DDX10: variants seen among roughly 807,000 people sequenced by gnomAD.
DDX10 encodes DEAD-box helicase 10, also known as probable ATP-dependent RNA helicase DDX10.
Under a neutral mutation model 104.3 loss-of-function variants are expected in DDX10, and 74 were observed. The ratio of observed to expected loss-of-function variants is 0.71; its 90% CI spans 0.59 to 0.86. The LOEUF is 0.86. Among genes scored for constraint, DDX10 ranks in the 40% least tolerant of loss-of-function variants. DDX10 has a pLI of 0.00. For synonymous variants in DDX10, 351 were observed against 353.4 expected (o/e 0.99, Z 0.08); for missense variants, 952 against 1,040.0 (o/e 0.92, Z 1.16).
intron 13 of DDX10, among the ~76,000 whole-genome samples, chr11:108,824,309 G>A (rs978980407): frequency 1.3e-5 from 2 of 152,144 alleles, no homozygotes; most frequent in African/African-American, 4.8e-5. Flanking sequence ...TCGCAAAGTG[G>A]CATGAGCCAC....
chr11:108,722,950 TATC>T, intron 12 of DDX10, 44 bp from the exon 13 acceptor site: 1 of 1,534,634 alleles, frequency 6.5e-7, no homozygotes. Context: ...CCTATAAACA[TATC>T]ATCAGTGTTG....
intron 16 of DDX10, among the ~76,000 whole-genome samples, chr11:108,872,325 T>C (rs1308287075): frequency 1.3e-5 from 2 of 152,236 alleles, no homozygotes; most frequent in Non-Finnish European, 2.9e-5. Flanking sequence ...TGTTCTATCT[T>C]CCTGTCTATA....
Position 108,863,690 on chromosome 11 carries a change from C to T in DDX10, c.2304+11481C>T, listed in dbSNP as rs1221895890. On this transcript the variant is annotated intron_variant, in intron 16 of 17. Transcript: ENST00000322536. ...TTGATCCCAGCCTCCTGGCATCCATCCAACCCTAAGATTTTTGCCCCACTC... is the reference window on the plus strand; with the variant it reads ...TTGATCCCAGCCTCCTGGCATCCATTCAACCCTAAGATTTTTGCCCCACTC... Among the ~76,000 whole-genome samples, 7 of 152,150 alleles carry T rather than the reference C, an allele frequency of 4.6e-5. No homozygotes were observed. The South Asian group carries it at 1.2e-3, about 27-fold the overall frequency.
intron 13 of DDX10, among the ~76,000 whole-genome samples, chr11:108,837,999 C>T (rs1038777428): frequency 3.3e-5 from 5 of 152,082 alleles, no homozygotes; most frequent in Non-Finnish European, 7.4e-5. Context: ...AGGAATGTTG[C>T]AACGTTGCAA....
At position 108,700,036 on chromosome 11, in the gene DDX10, T is replaced by TA. The variant is rs1482902137; in HGVS notation, c.1223+6440dup. On this transcript the variant is annotated intron_variant, in intron 9 of 17. Coordinates refer to ENST00000322536, the MANE Select transcript of DDX10 (RefSeq NM_004398.4). ...TGTGAACAACCATGGTGCATCCTAT[T>TA]AAAAGCCTCTCATAGGTGAGGACTC... is the stretch of plus-strand genomic sequence containing the variant. Among the ~76,000 whole-genome samples, 5 of 152,186 alleles carry TA rather than the reference T, an allele frequency of 3.3e-5. No individual in the cohort carries two copies. In the East Asian group the frequency reaches 9.6e-4, roughly 29 times the overall value.
chr11:108,905,207 C>G (rs986873101), intron 16 of DDX10, among the ~76,000 whole-genome samples: 1 of 150,960 alleles, frequency 6.6e-6, no homozygotes, highest in South Asian at 2.1e-4. Flanking sequence ...CTCTCCTGAA[C>G]CTGTTATAAT....
At chr11:108,767,052 T>G (rs927073282) in intron 13 of DDX10, among the ~76,000 whole-genome samples, 2 of 152,204 alleles carry the variant, frequency 1.3e-5, no homozygotes, top group African/African-American at 4.8e-5. Context: ...CTGTTTCAGC[T>G]CTTATATTGG....
intron 8 of DDX10, among the ~76,000 whole-genome samples, chr11:108,692,384 A>T (rs2094253984): frequency 6.6e-6 from 1 of 152,218 alleles, no homozygotes; most frequent in Non-Finnish European, 1.5e-5. Flanking sequence ...TTAACAAGAA[A>T]AATCAGTGAA....
chr11:108,861,578 G>A (rs551789690), intron 16 of DDX10, among the ~76,000 whole-genome samples: 46 of 152,186 alleles, frequency 3.0e-4, no homozygotes, highest in African/African-American at 1.1e-3. Context: ...TTACATAAAG[G>A]TTTTTTTGTA....
intron 17 of DDX10, among the ~76,000 whole-genome samples, chr11:108,931,725 A>T (rs1370437329): frequency 6.6e-6 from 1 of 152,210 alleles, no homozygotes; most frequent in Non-Finnish European, 1.5e-5. Context: ...GATGTTATAA[A>T]ATACCTTTAA....
rs186680384 is a variant in DDX10 at position 108,754,438 on chromosome 11, T to C, written c.1965+30976T>C. 2.6e-5 allele frequency among the ~76,000 whole-genome samples: 4 copies of C among 152,190 alleles called. No individual in the cohort carries two copies. The East Asian group carries it at 7.7e-4, about 29-fold the overall frequency. ...TTTCAGGTGGAATGAGGTTAATCCA[T>C]TGGGGTTTAGGAAGAAAATATTAGA... On this transcript the variant is annotated intron_variant, in intron 13 of 17. Coordinates refer to ENST00000322536, the MANE Select transcript of DDX10 (RefSeq NM_004398.4).
chr11:108,925,213 AAGG>A (rs1863892035), intron 17 of DDX10, among the ~76,000 whole-genome samples: 1 of 152,174 alleles, frequency 6.6e-6, no homozygotes, highest in Non-Finnish European at 1.5e-5. Context: ...CACATTGGGG[AAGG>A]AGGATGTTAT....
chr11:108,864,869 A>G (rs1042885655), intron 16 of DDX10, among the ~76,000 whole-genome samples: 1 of 152,194 alleles, frequency 6.6e-6, no homozygotes, highest in Non-Finnish European at 1.5e-5. Flanking sequence ...ATGTAAGCCC[A>G]GTCTCTTAAA....
chr11:108,769,297 C>T (rs1016776028), intron 13 of DDX10, among the ~76,000 whole-genome samples: 1 of 148,948 alleles, frequency 6.7e-6, no homozygotes, highest in African/African-American at 2.5e-5. Context: ...GTGCTTTCTT[C>T]TGTTTAATTG....
chr11:108,797,322 G>A (rs866538199), intron 13 of DDX10, among the ~76,000 whole-genome samples: 5 of 152,112 alleles, frequency 3.3e-5, no homozygotes, highest in African/African-American at 9.7e-5. Flanking sequence ...GTGAGCCACC[G>A]CGCCCAGCCT....
At chr11:108,742,765 A>G (rs1032184876) in intron 13 of DDX10, among the ~76,000 whole-genome samples, 13 of 152,290 alleles carry the variant, frequency 8.5e-5, no homozygotes, top group African/African-American at 1.9e-4. Context: ...GTACACCTCT[A>G]TGCGCACAAA....
chr11:108,840,099 C>A (rs1270461617), intron 14 of DDX10, among the ~76,000 whole-genome samples: 1 of 152,208 alleles, frequency 6.6e-6, no homozygotes, highest in Non-Finnish European at 1.5e-5. Flanking sequence ...TTTTTGCCCT[C>A]TGATTGCAGT....
At chr11:108,805,597 C>T (rs976424033) in intron 13 of DDX10, among the ~76,000 whole-genome samples, 13 of 152,040 alleles carry the variant, frequency 8.6e-5, no homozygotes, top group African/African-American at 3.1e-4. Flanking sequence ...TATTTTTCCT[C>T]CTGCTTTTAA....
At chr11:108,823,666 G>T (rs1245908263) in intron 13 of DDX10, among the ~76,000 whole-genome samples, 1 of 152,112 alleles carries the variant, frequency 6.6e-6, no homozygotes. Flanking sequence ...GTTTTTGTTT[G>T]CTTGTAAAAA....
Sources: gnomAD v4.1 joint callset for allele counts (sites outside exome capture counted in the v4.1 genomes callset) on GRCh38, gnomAD v4.1.1 for gene constraint, MANE v1.5 for transcripts, NCBI Gene and HGNC (gene_info 2026-07-23, HGNC 2026-07-21) for gene names.